KLF8: variants seen among roughly 807,000 people sequenced by gnomAD.
KLF8 encodes the protein Krueppel-like factor 8.
Under a neutral mutation model 18.2 loss-of-function variants are expected in KLF8, and 10 were observed. The ratio of observed to expected loss-of-function variants is 0.55; its 90% CI spans 0.34 to 0.93. The LOEUF (loss-of-function observed/expected upper bound fraction) is 0.93, where lower values mean the gene tolerates loss of function less well. Ranked by LOEUF, KLF8 falls within the 40% of genes least tolerant of loss-of-function variation. The pLI is 0.02. For missense variants in KLF8, 264 were observed against 277.9 expected, an observed-to-expected ratio of 0.95 and a Z score of 0.36; for synonymous variants, 109 against 97.3, an observed-to-expected ratio of 1.12 and a Z score of -0.71.
chrX:56,066,756 A>C, the KLF8 span, among the ~76,000 whole-genome samples: 1 of 111,206 alleles, frequency 9.0e-6, no homozygotes. Context: ...GGCAGGATGC[A>C]GTCTGATGGG....
the KLF8 span, among the ~76,000 whole-genome samples, chrX:56,102,431 G>A: frequency 3.6e-5 from 4 of 111,397 alleles, no homozygotes; most frequent in Admixed American, 2.9e-4. Context: ...TTTGGCTATT[G>A]AGGCTCTATT....
chrX:56,190,870 A>G, the KLF8 span, among the ~76,000 whole-genome samples: 2 of 111,672 alleles, frequency 1.8e-5, no homozygotes, highest in Non-Finnish European at 3.8e-5. Flanking sequence ...AAGACAAGGT[A>G]AGCTTTAAAT....
At chrX:56,186,312 A>G in the KLF8 span, among the ~76,000 whole-genome samples, 1 of 112,049 alleles carries the variant, frequency 8.9e-6, no homozygotes. Flanking sequence ...GATCAATTCA[A>G]CAAGAACAGC....
chrX:56,091,177 T>C, the KLF8 span, among the ~76,000 whole-genome samples: 2 of 111,257 alleles, frequency 1.8e-5, no homozygotes, highest in East Asian at 5.7e-4. Context: ...GGTGATTGGA[T>C]CATGGAGGCA....
the KLF8 span, among the ~76,000 whole-genome samples, chrX:56,076,399 T>G: frequency 1.1e-4 from 12 of 107,665 alleles, no homozygotes; most frequent in African/African-American, 4.1e-4. Flanking sequence ...TGTTTGATTT[T>G]TTGTTCTTGC....
chrX:56,200,996 A>T, the KLF8 span, among the ~76,000 whole-genome samples: 2 of 111,575 alleles, frequency 1.8e-5, no homozygotes, highest in African/African-American at 3.2e-5. Flanking sequence ...TGTGGAGAAA[A>T]CTACAGTTTT....
the KLF8 span, among the ~76,000 whole-genome samples, chrX:55,971,860 T>A: frequency 5.4e-5 from 6 of 111,444 alleles, no homozygotes; most frequent in South Asian, 7.5e-4. Flanking sequence ...TATAATGAGG[T>A]ATCATCTCAC....
At chrX:56,237,142 CA>C (rs1326730559) in intron 1 of KLF8, among the ~76,000 whole-genome samples, 5 of 102,279 alleles carry the variant, frequency 4.9e-5, no homozygotes, top group East Asian at 3.1e-4. Flanking sequence ...CCATCCCCCC[CA>C]AAAAAATTCA....
At chrX:56,143,197 T>C in the KLF8 span, among the ~76,000 whole-genome samples, 1 of 111,588 alleles carries the variant, frequency 9.0e-6, no homozygotes, top group Non-Finnish European at 1.9e-5. Flanking sequence ...ACAGACATGC[T>C]CTCGTCTCAG....
Position 56,290,714 on chromosome X carries a change from C to T in KLF8, c.*6220C>T, listed in dbSNP as rs1447800601. Among the ~76,000 whole-genome samples the T allele has an allele frequency of 2.7e-5, 3 of 110,937 alleles. No individual in the cohort carries two copies. The highest frequency in any genetic ancestry group is 3.8e-5 in the Non-Finnish European group (2 of 52,906). The stretch of plus-strand genomic sequence containing the variant: ...TTTCACCACTTATATTTTCTCTTTC[C>T]CAACTTACTTTACTCTGAATAGTAT... On this transcript the variant is annotated 3_prime_UTR_variant, in exon 6 of 6. Transcript: ENST00000468660.
chrX:55,969,857 A>C, the KLF8 span, among the ~76,000 whole-genome samples: 3 of 111,859 alleles, frequency 2.7e-5, no homozygotes, highest in Admixed American at 9.5e-5. Context: ...ATAAATTCTT[A>C]GAAACATACA....
the KLF8 span, among the ~76,000 whole-genome samples, chrX:56,124,059 AT>A: frequency 9.0e-6 from 1 of 111,626 alleles, no homozygotes; most frequent in African/African-American, 3.3e-5. Context: ...CATTGTAGTT[AT>A]TTTTATAATA....
the KLF8 span, among the ~76,000 whole-genome samples, chrX:56,059,971 A>G: frequency 8.9e-6 from 1 of 111,753 alleles, no homozygotes; most frequent in African/African-American, 3.3e-5. Flanking sequence ...GACATTGATT[A>G]TTCCTGTCCA....
At chrX:56,022,650 C>G in the KLF8 span, among the ~76,000 whole-genome samples, 11 of 109,571 alleles carry the variant, frequency 1.0e-4, no homozygotes, top group Non-Finnish European at 1.7e-4. Context: ...TTCCTATGCC[C>G]TCTCCCCAGT....
At chrX:56,158,198 G>A in the KLF8 span, among the ~76,000 whole-genome samples, 48 of 111,583 alleles carry the variant, frequency 4.3e-4, no homozygotes, top group African/African-American at 1.6e-3. Context: ...TCAGATGGTT[G>A]TAGATATGTG....
chrX:56,052,561 C>T, the KLF8 span, among the ~76,000 whole-genome samples: 2 of 111,698 alleles, frequency 1.8e-5, no homozygotes, highest in South Asian at 3.7e-4. Flanking sequence ...CTGGGGGGTG[C>T]GTCCCAGTTA....
chrX:56,076,774 C>T, the KLF8 span, among the ~76,000 whole-genome samples: 3 of 111,668 alleles, frequency 2.7e-5, no homozygotes, highest in African/African-American at 6.5e-5. Context: ...AAAAGTGTTC[C>T]TATTTCTCCA....
chrX:56,018,483 G>T, the KLF8 span, among the ~76,000 whole-genome samples: 236 of 111,409 alleles, frequency 2.1e-3, 1 homozygote, highest in African/African-American at 7.5e-3. Flanking sequence ...AATGTGTATT[G>T]GGTGGAAAGA....
the KLF8 span, among the ~76,000 whole-genome samples, chrX:56,057,435 G>A: frequency 2.3e-4 from 26 of 111,541 alleles, no homozygotes; most frequent in African/African-American, 8.1e-4. Flanking sequence ...ACATGCCCAC[G>A]TACACACTTG....
Sources: allele counts gnomAD v4.1 joint callset (sites outside exome capture counted in the v4.1 genomes callset), GRCh38; gene constraint gnomAD v4.1.1; transcripts MANE v1.5; gene names NCBI Gene and HGNC (gene_info 2026-07-23, HGNC 2026-07-21).